TENM2: variants seen among roughly 807,000 people sequenced by gnomAD.
TENM2 encodes teneurin-2.
In TENM2, 52 loss-of-function variants were observed where a neutral mutation model predicts 245.2. The ratio of observed to expected loss-of-function variants is 0.21; its 90% CI spans 0.17 to 0.27. The LOEUF (loss-of-function observed/expected upper bound fraction) is 0.27. Ranked by LOEUF, TENM2 falls within the 10% of genes least tolerant of loss-of-function variation. The pLI is 1.00. For synonymous variants in TENM2, 1,363 were observed against 1,438.9 expected (o/e 0.95, Z 1.19); for missense variants, 3,046 against 3,666.8 (o/e 0.83, Z 4.37).
chr5:167,866,497 C>CAAA (rs57131518), intron 2 of TENM2, among the ~76,000 whole-genome samples: 3 of 80,108 alleles, frequency 3.7e-5, no homozygotes, highest in Admixed American at 1.5e-4. Flanking sequence ...GACTCCATCT[C>CAAA]AAAAAAAAAA....
intron 2 of TENM2, among the ~76,000 whole-genome samples, chr5:167,600,801 A>G (rs1776584026): frequency 6.6e-6 from 1 of 152,346 alleles, no homozygotes; most frequent in East Asian, 1.9e-4. Flanking sequence ...AAGAAGATCC[A>G]CATATGTTAA....
the TENM2 span, among the ~76,000 whole-genome samples, chr5:167,225,282 A>G: frequency 1.3e-5 from 2 of 152,116 alleles, no homozygotes; most frequent in African/African-American, 4.8e-5. Flanking sequence ...CCCATTCAGT[A>G]TAGTGTTAGC....
At chr5:167,123,862 A>G in the TENM2 span, among the ~76,000 whole-genome samples, 1 of 152,220 alleles carries the variant, frequency 6.6e-6, no homozygotes, top group African/African-American at 2.4e-5. Context: ...AGCAAGTTAT[A>G]CCACCTTGCA....
intron 3 of TENM2, among the ~76,000 whole-genome samples, chr5:167,933,108 G>T (rs1778412850): frequency 6.6e-6 from 1 of 152,180 alleles, no homozygotes; most frequent in South Asian, 2.1e-4. Flanking sequence ...CAGTGTTCTT[G>T]ACAGGCCCTT....
At chr5:167,883,978 G>A (rs1774084781) in intron 3 of TENM2, among the ~76,000 whole-genome samples, 1 of 152,162 alleles carries the variant, frequency 6.6e-6, no homozygotes, top group Non-Finnish European at 1.5e-5. Context: ...ATCATGAAGA[G>A]TGTGGACTCT....
chr5:167,114,217 G>C, the TENM2 span, among the ~76,000 whole-genome samples: 22 of 152,220 alleles, frequency 1.4e-4, no homozygotes, highest in Middle Eastern at 3.4e-3. Context: ...CGAGTTTATA[G>C]TATATATATA....
At chr5:167,325,480 AGAG>A (rs1312616008) in intron 1 of TENM2, among the ~76,000 whole-genome samples, 3 of 152,188 alleles carry the variant, frequency 2.0e-5, no homozygotes, top group African/African-American at 7.2e-5. Flanking sequence ...GCAGACCCAC[AGAG>A]GAGAGAAGCC....
At chr5:168,214,340 C>A (rs1763009777) in intron 20 of TENM2, among the ~76,000 whole-genome samples, 1 of 152,228 alleles carries the variant, frequency 6.6e-6, no homozygotes, top group Non-Finnish European at 1.5e-5. Context: ...GGCTGGGAGC[C>A]CTGGCAGACC....
chr5:167,722,435 C>T (rs1190553092), intron 2 of TENM2, among the ~76,000 whole-genome samples: 3 of 151,958 alleles, frequency 2.0e-5, no homozygotes, highest in African/African-American at 2.4e-5. Context: ...GGTAGAGATA[C>T]AGCTATAGAT....
At chr5:168,053,466 T>A (rs1434505526) in intron 6 of TENM2, among the ~76,000 whole-genome samples, 1 of 152,164 alleles carries the variant, frequency 6.6e-6, no homozygotes, top group Non-Finnish European at 1.5e-5. Flanking sequence ...GATCTCTAAA[T>A]ATGTACCTGT....
At chr5:168,029,354 C>A (rs889067) in intron 5 of TENM2, among the ~76,000 whole-genome samples, 59,225 of 151,918 alleles carry the variant, frequency 0.39, 12,648 homozygotes, top group African/African-American at 0.57. Context: ...GCCTTCAAAA[C>A]AAAATTCCTC....
At chr5:167,197,604 C>A in the TENM2 span, among the ~76,000 whole-genome samples, 1 of 151,994 alleles carries the variant, frequency 6.6e-6, no homozygotes, top group South Asian at 2.1e-4. Flanking sequence ...AACATCAGAA[C>A]AATGAATAAG....
At position 167,902,600 on chromosome 5, in the gene TENM2, G is replaced by A. The variant is rs142351408; in HGVS notation, c.712+26405G>A. ...TCCTCAGGAGGAAAACTGATAAGAC[G>A]GTTGTAAAACTCCTGGGAGAAATGG... On this transcript the variant is annotated intron_variant, in intron 3 of 28. Coordinates refer to ENST00000518659, the Ensembl canonical transcript of TENM2. 3.3e-3 allele frequency among the ~76,000 whole-genome samples: 506 copies of A among 152,264 alleles called. 4 individuals carry two copies. The highest frequency in any genetic ancestry group is 0.012 in the African/African-American group (481 of 41,548).
intron 3 of TENM2, among the ~76,000 whole-genome samples, chr5:167,917,250 G>T (rs1350353002): frequency 1.3e-5 from 2 of 152,076 alleles, no homozygotes; most frequent in South Asian, 4.2e-4. Context: ...AGAGTGATTC[G>T]CAAATCCCAG....
At chr5:168,202,724 T>C (rs1193025921) in intron 17 of TENM2, among the ~76,000 whole-genome samples, 2 of 151,982 alleles carry the variant, frequency 1.3e-5, no homozygotes, top group Non-Finnish European at 2.9e-5. Flanking sequence ...TTTTTAAAGA[T>C]AAAAATGCAT....
the TENM2 span, among the ~76,000 whole-genome samples, chr5:167,096,761 A>G: frequency 1.3e-5 from 2 of 152,238 alleles, no homozygotes; most frequent in East Asian, 3.8e-4. Flanking sequence ...GAGAACTGAT[A>G]TACTGAGTGA....
chr5:168,101,338 C>T (rs935113664), intron 9 of TENM2, among the ~76,000 whole-genome samples: 10 of 152,160 alleles, frequency 6.6e-5, no homozygotes, highest in African/African-American at 2.2e-4. Flanking sequence ...AACACTGACA[C>T]ACATCGATGT....
At chr5:167,478,871 A>G (rs2127525373) in intron 2 of TENM2, among the ~76,000 whole-genome samples, 1 of 152,108 alleles carries the variant, frequency 6.6e-6, no homozygotes, top group African/African-American at 2.4e-5. Flanking sequence ...CCACCCCTTA[A>G]TGTTCATTGA....
chr5:167,682,844 C>T (rs563217457), intron 2 of TENM2, among the ~76,000 whole-genome samples: 11 of 152,204 alleles, frequency 7.2e-5, no homozygotes, highest in African/African-American at 2.6e-4. Flanking sequence ...GTATTAGATG[C>T]TTGATAAAAT....
Sources: gnomAD v4.1 joint callset for allele counts (sites outside exome capture counted in the v4.1 genomes callset) on GRCh38, gnomAD v4.1.1 for gene constraint, MANE v1.5 for transcripts, NCBI Gene and HGNC (gene_info 2026-07-23, HGNC 2026-07-21) for gene names.